Variants in NKX2-6 observed in about 807,000 individuals in gnomAD.
NKX2-6 encodes the protein homeobox protein Nkx-2.6.
NKX2-6 carries 8 observed loss-of-function variants against 8.6 expected under a neutral mutation model. That is an observed-to-expected ratio of 0.93 (90% CI 0.54 to 1.67). The LOEUF (loss-of-function observed/expected upper bound fraction) is 1.67, where lower values mean the gene tolerates loss of function less well. NKX2-6 is among the 40% of genes most tolerant of loss of function. The pLI, the probability that NKX2-6 is intolerant of heterozygous loss-of-function variation, is 0.00. For synonymous variants in NKX2-6, 210 were observed against 199.3 expected, an observed-to-expected ratio of 1.05 and a Z score of -0.45; for missense variants, 475 against 423.1, an observed-to-expected ratio of 1.12 and a Z score of -1.08.
intron 1 of NKX2-6, among the ~76,000 whole-genome samples, chr8:23,705,542 G>A (rs551688748): frequency 6.6e-6 from 1 of 152,302 alleles, no homozygotes; most frequent in South Asian, 2.1e-4. Context: ...CACAACTCCC[G>A]GATCGACGCA....
chr8:23,703,523 C>T (rs113157257), intron 1 of NKX2-6, among the ~76,000 whole-genome samples: 18,415 of 151,724 alleles, frequency 0.12, 1,394 homozygotes, highest in East Asian at 0.21. Flanking sequence ...GATGAAACCC[C>T]GTCTCTACTA....
intron 1 of NKX2-6, among the ~76,000 whole-genome samples, chr8:23,705,124 C>A (rs1801069539): frequency 6.6e-6 from 1 of 152,236 alleles, no homozygotes; most frequent in Non-Finnish European, 1.5e-5. Context: ...GGCTGCGAGG[C>A]GACTGTGGTG....
rs927397021 is a variant in NKX2-6, at chr8:23,701,873, C to T, written c.*578G>A. ...AGAAAAGAGTGCTCCTCTGGATTAA[C>T]GGAGTCCCCTGGGGCGCGGCCTTAT... is the stretch of plus-strand genomic sequence containing the variant. On this transcript the variant is annotated 3_prime_UTR_variant, in exon 2 of 2. Coordinates refer to ENST00000325017, the MANE Select transcript of NKX2-6 (RefSeq NM_001136271.3). Among the ~76,000 whole-genome samples the T allele has an allele frequency of 6.6e-6, 1 of 152,272 alleles. No homozygotes were observed. The highest frequency in any genetic ancestry group is 1.9e-4 in the East Asian group (1 of 5,176).
chr8:23,702,530 G>GAAGTC lies in NKX2-6; in HGVS notation c.826_827insGACTT (p.Ala276GlyfsTer52). 1 of 1,539,368 alleles carries GAAGTC rather than the reference G, an allele frequency of 6.5e-7. No homozygotes were observed. The highest frequency in any genetic ancestry group is 8.7e-7 in the Non-Finnish European group (1 of 1,143,548). ...ATTCTGGCCACCGTGTCCGAAGCCC[G>GAAGTC]CGCTGGCCAGTGGTGTGTGTGGCGC... On this transcript the variant is annotated frameshift_variant, in exon 2 of 2. Coordinates refer to ENST00000325017, the MANE Select transcript of NKX2-6 (RefSeq NM_001136271.3). LOFTEE classifies it low-confidence loss of function (END_TRUNC).
intron 1 of NKX2-6, among the ~76,000 whole-genome samples, chr8:23,703,938 G>T (rs1042223217): frequency 6.6e-6 from 1 of 152,104 alleles, no homozygotes; most frequent in Non-Finnish European, 1.5e-5. Flanking sequence ...TCAAGAAGGC[G>T]CAAACTCGGT....
Position 23,702,117 on chromosome 8 carries a change from C to T in NKX2-6, c.*334G>A, listed in dbSNP as rs577396791. ...GGGCTGCTGCGTACAGATGCAAGAG[C>T]CTCTCGGGCCTCTGGGGTTGAAGCC... On this transcript the variant is annotated 3_prime_UTR_variant, in exon 2 of 2. Coordinates refer to ENST00000325017, the MANE Select transcript of NKX2-6 (RefSeq NM_001136271.3). Among the ~76,000 whole-genome samples the T allele has an allele frequency of 2.6e-5, 4 of 152,318 alleles. No homozygotes were observed. The highest frequency in any genetic ancestry group is 3.4e-3 in the Middle Eastern group (1 of 294).
rs779093553 is a variant in NKX2-6 at position 23,706,521 on chromosome 8, G to A, written c.78C>T (p.Pro26=). 3.2e-5 allele frequency: 49 copies of A among 1,537,352 alleles called. No individual in the cohort carries two copies. Among genetic ancestry groups the A allele is most frequent in the Admixed American group, 1.8e-4 (9 of 50,990 alleles). Residue 26 remains proline, a synonymous_variant, in exon 1 of 2, where the codon CCC becomes CCT. Transcript: ENST00000325017. The stretch of plus-strand genomic sequence containing the variant: ...GCACCCGCGGATGTGGCGAAGCCGC[G>A]GGGCAGCTCCGCTCGCGCTCCAGTC... The part of the protein sequence containing the change: ...ILRLERERSC[P]AASPHPRVRK...
rs1440787889 is a variant in NKX2-6 at position 23,706,474 on chromosome 8, T to C, written c.125A>G (p.Gln42Arg). ...CGGCTCTGCGTCCATTCTCAGGTAC[T>C]GAAAGTTTTCCGGGCTCTTCCGCAC... Reference protein sequence around the residue: ...PRVRKSPENFQYLRMDAEPRG... With the variant: ...PRVRKSPENFRYLRMDAEPRG... Residue 42 changes from glutamine to arginine, a missense_variant, in exon 1 of 2, where the codon CAG (glutamine) becomes CGG (arginine). Physicochemically the swap from Gln to Arg is conservative, Grantham distance 43. Transcript: ENST00000325017. 21 of 1,543,424 alleles carry C rather than the reference T, an allele frequency of 1.4e-5. No individual in the cohort carries two copies. The highest frequency in any genetic ancestry group is 1.7e-5 in the Non-Finnish European group (19 of 1,146,956).
chr8:23,706,278 GCCCCCA>G, intron 1 of NKX2-6, 41 bp downstream of exon 1: 1 of 1,299,328 alleles, frequency 7.7e-7, no homozygotes, highest in Non-Finnish European at 1.0e-6. Flanking sequence ...TCACGCCCCC[GCCCCCA>G]CATTCCCCCC....
Position 23,703,075 on chromosome 8 carries a change from G to C in NKX2-6, c.282C>G (p.Gly94=), listed in dbSNP as rs901046036. 6.5e-7 allele frequency: 1 copy of C among 1,539,814 alleles called. No individual in the cohort carries two copies. The highest frequency in any genetic ancestry group is 8.7e-7 in the Non-Finnish European group (1 of 1,146,134). The part of the protein sequence containing the change: ...DAERMGEPQP[G]LNAASPLGGG... ...CGCCGAGGGGCGAGGCCGCGTTCAGGCCGGGCTCTAAAAGCACAGGAAGGG... is the reference window on the plus strand; with the variant it reads ...CGCCGAGGGGCGAGGCCGCGTTCAGCCCGGGCTCTAAAAGCACAGGAAGGG... Residue 94 remains glycine, a synonymous_variant, in exon 2 of 2, where the codon GGC becomes GGG. Coordinates refer to ENST00000325017, the MANE Select transcript of NKX2-6 (RefSeq NM_001136271.3).
chr8:23,702,601 G>C lies in NKX2-6; in HGVS notation c.756C>G (p.Tyr252Ter). The C allele has an allele frequency of 3.9e-6, 6 of 1,547,066 alleles. No individual in the cohort carries two copies. Among genetic ancestry groups the C allele is most frequent in the Non-Finnish European group, 5.2e-6 (6 of 1,146,206 alleles). ...CGTAGCAGGTGCCGTAGCCTGCGCC[G>C]TAGGGTGCTCCGCTGTAGCCTCCGT... is the stretch of plus-strand genomic sequence containing the variant. The part of the protein sequence containing the change: ...SCYGGYSGAP[Y>*]GAGYGTCYAG... The change falls in exon 2 of 2, where the codon TAC (tyrosine) becomes TAG (stop). Residue 252 changes from tyrosine to a stop codon, truncating the protein, a stop_gained. Coordinates refer to ENST00000325017, the MANE Select transcript of NKX2-6 (RefSeq NM_001136271.3). LOFTEE classifies it low-confidence loss of function (END_TRUNC).
Position 23,702,755 on chromosome 8 carries a change from T to C in NKX2-6, c.602A>G (p.His201Arg), listed in dbSNP as rs1352195981. The part of the protein sequence containing the change: ...RQDKSLELAG[H>R]PLTPRRVAVP... ...AGCTACTCGGCGCGGCGTTAGAGGG[T>C]GGCCAGCCAGTTCCAGCGACTTGTC... Residue 201 changes from histidine to arginine, a missense_variant, in exon 2 of 2, where the codon CAC becomes CGC. By Grantham distance (29) the His-to-Arg change is conservative. Transcript: ENST00000325017. The C allele has an allele frequency of 6.4e-7, 1 of 1,552,876 alleles. No individual in the cohort carries two copies. Among genetic ancestry groups the C allele is most frequent in the Non-Finnish European group, 8.7e-7 (1 of 1,147,654 alleles).
At chr8:23,705,312 A>G (rs1285515142) in intron 1 of NKX2-6, among the ~76,000 whole-genome samples, 3 of 152,198 alleles carry the variant, frequency 2.0e-5, no homozygotes, top group African/African-American at 7.2e-5. Flanking sequence ...CAGGCCGGTA[A>G]ATAACTCCGA....
At chr8:23,703,462 C>G (rs1307116805) in intron 1 of NKX2-6, among the ~76,000 whole-genome samples, 1 of 151,942 alleles carries the variant, frequency 6.6e-6, no homozygotes, top group African/African-American at 2.4e-5. Context: ...TTTGGGAGGC[C>G]GAGACGGGCG....
intron 1 of NKX2-6, among the ~76,000 whole-genome samples, chr8:23,705,649 C>A (rs1563304801): frequency 6.6e-6 from 1 of 152,190 alleles, no homozygotes; most frequent in East Asian, 1.9e-4. Flanking sequence ...TGGATACCTG[C>A]GACAGGACTC....
At position 23,702,443 on chromosome 8, in the gene NKX2-6, G is replaced by A. The variant is rs1371751452; in HGVS notation, c.*8C>T. The stretch of plus-strand genomic sequence containing the variant: ...TGGCCCTGGTTGGCAGAGTCAAGCC[G>A]AGGAGCCTCACCAGGCCCTGACACC... On this transcript the variant is annotated 3_prime_UTR_variant, in exon 2 of 2. Coordinates refer to ENST00000325017, the MANE Select transcript of NKX2-6 (RefSeq NM_001136271.3). The A allele has an allele frequency of 4.8e-6, 7 of 1,445,994 alleles. No homozygotes were observed. Among genetic ancestry groups the A allele is most frequent in the South Asian group, 2.9e-5 (2 of 69,348 alleles). 89.6% of individuals were successfully genotyped at this position (1,445,994 alleles called of 1,614,324 possible).
In NKX2-6 at chr8:23,703,432, C is replaced by CA. The variant is rs1203448788; in HGVS notation, c.275-351dup. Among the ~76,000 whole-genome samples, 7 of 152,168 alleles carry CA rather than the reference C, an allele frequency of 4.6e-5. No individual in the cohort carries two copies. In the South Asian group the frequency reaches 1.2e-3, roughly 27 times the overall value. On this transcript the variant is annotated intron_variant, in intron 1 of 1. Coordinates refer to ENST00000325017, the MANE Select transcript of NKX2-6 (RefSeq NM_001136271.3). Reference sequence around the variant, plus strand: ...TGTGCATGGGCCGGGCGCAGTGGCTCATGCCTGTAATCCCAGCACTTTGGG... The same window carrying CA: ...TGTGCATGGGCCGGGCGCAGTGGCTCAATGCCTGTAATCCCAGCACTTTGGG...
Position 23,706,570 on chromosome 8 carries a change from G to A in NKX2-6, c.29C>T (p.Pro10Leu), listed in dbSNP as rs747477274. The A allele has an allele frequency of 9.8e-6, 15 of 1,536,166 alleles. No individual in the cohort carries two copies. The African/African-American group carries it at 1.8e-4, about 18-fold the overall frequency. The change falls in exon 1 of 2, where the codon CCC becomes CTC. Residue 10 changes from proline (P) to leucine (L), a missense_variant. Physicochemically the swap from Pro to Leu is moderately conservative, Grantham distance 98 (BLOSUM62 -3). Transcript: ENST00000325017. MLLSPVTST[P>L]FSVKDILRLE... The stretch of plus-strand genomic sequence containing the variant: ...TCGCAGGATGTCCTTGACCGAGAAG[G>A]GGGTGGAGGTGACGGGGCTCAGCAG...
rs1178873939 is a variant in NKX2-6, at chr8:23,702,468, C to T, written c.889G>A (p.Gly297Ser). The T allele has an allele frequency of 2.0e-6, 3 of 1,485,670 alleles. No homozygotes were observed. The highest frequency in any genetic ancestry group is 2.7e-6 in the Non-Finnish European group (3 of 1,116,376). The allele number at this position is 1,485,670 out of a possible 1,614,324, so 92.0% of individuals were successfully genotyped here. The change falls in exon 2 of 2, where the codon GGT becomes AGT. Residue 297 changes from glycine to serine, a missense_variant. Physicochemically the swap from Gly to Ser is moderately conservative, Grantham distance 56. Coordinates refer to ENST00000325017, the MANE Select transcript of NKX2-6 (RefSeq NM_001136271.3). ...GAGGAGCCTCACCAGGCCCTGACAC[C>T]CTGCAGCGTGGCTGCCAGATGGCCC... ...PQGHLAATLQGVRAW is the reference protein window; with the variant it reads ...PQGHLAATLQSVRAW
Sources: gnomAD v4.1 joint callset for allele counts (sites outside exome capture counted in the v4.1 genomes callset) on GRCh38, gnomAD v4.1.1 for gene constraint, MANE v1.5 for transcripts, NCBI Gene and HGNC (gene_info 2026-07-23, HGNC 2026-07-21) for gene names.